The following ZNF385D variants were observed in gnomAD, a reference collection of about 807,000 sequenced individuals.
ZNF385D encodes the protein zinc finger protein 385D.
In ZNF385D, 15 loss-of-function variants were observed where a neutral mutation model predicts 35.8. That is an observed-to-expected ratio of 0.42 (90% confidence interval 0.28 to 0.64). ZNF385D has a LOEUF of 0.64. Among genes scored for constraint, ZNF385D ranks in the 30% least tolerant of loss-of-function variants. The pLI is 0.23. For synonymous variants in ZNF385D, 212 were observed against 186.8 expected (o/e 1.13, Z -1.10); for missense variants, 474 against 494.6 (o/e 0.96, Z 0.39).
At chr3:21,514,780 C>T (rs1014465339) in intron 3 of ZNF385D, among the ~76,000 whole-genome samples, 2 of 151,978 alleles carry the variant, frequency 1.3e-5, no homozygotes, top group Non-Finnish European at 2.9e-5. Context: ...CTGTCAAATT[C>T]TTGTATTGTT....
intron 2 of ZNF385D, among the ~76,000 whole-genome samples, chr3:21,636,364 T>TTATATATA (rs1230017347): frequency 4.4e-5 from 5 of 113,914 alleles, no homozygotes; most frequent in African/African-American, 1.7e-4. Flanking sequence ...TTATATATGA[T>TTATATATA]TATATATATA....
At chr3:22,233,334 T>G (rs1491877) in intron 2 of ZNF385D, among the ~76,000 whole-genome samples, 60,793 of 151,958 alleles carry the variant, frequency 0.4, 14,523 homozygotes, top group East Asian at 0.73. Flanking sequence ...GGGTAAGTAC[T>G]ATATTATTTC....
In ZNF385D at chr3:21,602,517, C is replaced by CTTTTTTTTTTTTTTTTTT. The variant is rs746138066; in HGVS notation, c.166-37851_166-37834dup. 2.3e-3 allele frequency among the ~76,000 whole-genome samples: 146 copies of CTTTTTTTTTTTTTTTTTT among 62,690 alleles called. 31 individuals are homozygous for CTTTTTTTTTTTTTTTTTT. Among genetic ancestry groups the CTTTTTTTTTTTTTTTTTT allele is most frequent in the African/African-American group, 7.6e-3 (101 of 13,228 alleles). 41.1% of individuals were successfully genotyped at this position (62,690 alleles called of 152,430 possible). On this transcript the variant is annotated intron_variant, in intron 2 of 7. Transcript: ENST00000281523. The stretch of plus-strand genomic sequence containing the variant: ...TAGGTCTCCTGTTTCCCTGCATTTT[C>CTTTTTTTTTTTTTTTTTT]TTTTTTTTTTTTTTTTTTTTTTTTT...
chr3:21,939,698 T>C (rs1479992), intron 3 of ZNF385D, among the ~76,000 whole-genome samples: 11,904 of 152,184 alleles, frequency 0.078, 1,554 homozygotes, highest in African/African-American at 0.27. Flanking sequence ...TTGTGATGAG[T>C]TCAATAACTG....
intron 3 of ZNF385D, among the ~76,000 whole-genome samples, chr3:21,892,519 TG>T (rs1285810974): frequency 6.6e-6 from 1 of 152,210 alleles, no homozygotes; most frequent in Non-Finnish European, 1.5e-5. Context: ...ATTACTGATT[TG>T]GTAAAACTCA....
chr3:21,860,711 C>T (rs1249903797), intron 3 of ZNF385D, among the ~76,000 whole-genome samples: 1 of 152,104 alleles, frequency 6.6e-6, no homozygotes, highest in African/African-American at 2.4e-5. Flanking sequence ...TAACTTCTGC[C>T]TCAAAATCAT....
chr3:21,425,746 GA>G (rs911780781), intron 5 of ZNF385D, 76 bp from the exon 6 acceptor site: 3 of 1,382,168 alleles, frequency 2.2e-6, no homozygotes, highest in Non-Finnish European at 2.9e-6. Context: ...GGGATGGGAG[GA>G]AAAAAATCTT....
chr3:21,760,928 C>G (rs1018376474), intron 3 of ZNF385D, among the ~76,000 whole-genome samples: 2 of 152,094 alleles, frequency 1.3e-5, no homozygotes, highest in Non-Finnish European at 2.9e-5. Flanking sequence ...TAGTTTAGGG[C>G]TGATCCGTGT....
chr3:22,260,461 C>G (rs1289877808), intron 2 of ZNF385D, among the ~76,000 whole-genome samples: 1 of 151,672 alleles, frequency 6.6e-6, no homozygotes, highest in Non-Finnish European at 1.5e-5. Flanking sequence ...ACATGTATAC[C>G]TATGTAACAA....
At chr3:22,218,072 C>G (rs1356958179) in intron 2 of ZNF385D, among the ~76,000 whole-genome samples, 1 of 152,014 alleles carries the variant, frequency 6.6e-6, no homozygotes, top group Admixed American at 6.6e-5. Flanking sequence ...AGTGTCTTGA[C>G]TTATCTTGGT....
chr3:22,348,635 C>T (rs1464260105), intron 2 of ZNF385D, among the ~76,000 whole-genome samples: 1 of 150,874 alleles, frequency 6.6e-6, no homozygotes, highest in Non-Finnish European at 1.5e-5. Context: ...ATTGCACTCT[C>T]CAGCCTGGGC....
chr3:21,519,904 G>C (rs1161425534), intron 3 of ZNF385D, among the ~76,000 whole-genome samples: 1 of 152,148 alleles, frequency 6.6e-6, no homozygotes, highest in African/African-American at 2.4e-5. Context: ...TATGTTCAAA[G>C]ATCAACTTGT....
intron 3 of ZNF385D, among the ~76,000 whole-genome samples, chr3:21,823,485 G>A (rs992400146): frequency 1.3e-5 from 2 of 152,034 alleles, no homozygotes; most frequent in African/African-American, 2.4e-5. Context: ...CACACTCACC[G>A]TGTATATAGT....
intron 3 of ZNF385D, among the ~76,000 whole-genome samples, chr3:22,166,209 G>A (rs7626875): frequency 6.6e-6 from 1 of 151,802 alleles, no homozygotes; most frequent in African/African-American, 2.4e-5. Flanking sequence ...TTAGTAATGA[G>A]AGGTCACTGA....
chr3:21,836,952 A>G (rs1695366229), intron 3 of ZNF385D, among the ~76,000 whole-genome samples: 1 of 152,042 alleles, frequency 6.6e-6, no homozygotes, highest in Non-Finnish European at 1.5e-5. Flanking sequence ...TGTCACCTCC[A>G]TATGTCACAA....
chr3:21,729,280 A>G (rs1018822689), intron 1 of ZNF385D, among the ~76,000 whole-genome samples: 1 of 152,218 alleles, frequency 6.6e-6, no homozygotes, highest in African/African-American at 2.4e-5. Flanking sequence ...ATAAAACCCT[A>G]AAATCAATTT....
At position 22,298,709 on chromosome 3, in the gene ZNF385D, CA is replaced by C. The variant is rs1168651321; in HGVS notation, c.106+73740del. ...AAGATAAATAGAAAACAACAAAAAC[CA>C]AAAAAAAAAAATAAAATGATCTAAT... On this transcript the variant is annotated intron_variant, in intron 2 of 5. Transcript: ENST00000494108. 2.0e-3 allele frequency among the ~76,000 whole-genome samples: 271 copies of C among 134,222 alleles called. 3 individuals are homozygous for C. The East Asian group carries it at 0.022, about 11-fold the overall frequency. The allele number at this position is 134,222 out of a possible 152,430, so 88.1% of individuals were successfully genotyped here.
In ZNF385D at chr3:21,426,553, AT is replaced by A. The variant is rs1254927478; in HGVS notation, c.674-884del. Among the ~76,000 whole-genome samples the A allele has an allele frequency of 2.0e-5, 3 of 151,380 alleles. No individual in the cohort carries two copies. In the East Asian group the frequency reaches 5.9e-4, roughly 30 times the overall value. On this transcript the variant is annotated intron_variant, in intron 5 of 7. Transcript: ENST00000281523. ...TTTTTAGAGTTGATAAGTATTCTTC[AT>A]TTTTTTCACTTGGTCATGTGTTTTT...
chr3:22,194,742 TAA>T, intron 2 of ZNF385D, among the ~76,000 whole-genome samples: 1 of 152,000 alleles, frequency 6.6e-6, no homozygotes, highest in South Asian at 2.1e-4. Context: ...GTAGGTAGAA[TAA>T]AAAAGTGTGT....
Sources: gnomAD v4.1 joint callset for allele counts (sites outside exome capture counted in the v4.1 genomes callset) on GRCh38, gnomAD v4.1.1 for gene constraint, MANE v1.5 for transcripts, NCBI Gene and HGNC (gene_info 2026-07-23, HGNC 2026-07-21) for gene names.